Variants in GSDME observed in about 807,000 individuals in gnomAD.
The protein encoded by GSDME is gasdermin-E.
A neutral mutation model predicts 47.5 loss-of-function variants in GSDME; 44 were observed. The observed-to-expected ratio is 0.93, with a 90% CI of 0.73 to 1.19. The LOEUF is 1.19. Among genes scored for constraint, GSDME ranks in the 50% most tolerant of loss-of-function variants. GSDME has a pLI of 0.00. For missense variants in GSDME, 663 were observed against 604.2 expected, an observed-to-expected ratio of 1.10 and a Z score of -1.02; for synonymous variants, 258 against 252.8, an observed-to-expected ratio of 1.02 and a Z score of -0.20.
chr7:24,738,770 G>C (rs1790390921), intron 3 of GSDME, among the ~76,000 whole-genome samples: 1 of 152,092 alleles, frequency 6.6e-6, no homozygotes, highest in Non-Finnish European at 1.5e-5. Flanking sequence ...GTATGGTAAT[G>C]GCATATAAAC....
rs532028137 is a variant in GSDME at position 24,742,674 on chromosome 7, C to T, written c.404+1888G>A. Among the ~76,000 whole-genome samples, 1 of 152,146 alleles carries T rather than the reference C, an allele frequency of 6.6e-6. No homozygotes were observed. Among genetic ancestry groups the T allele is most frequent in the African/African-American group, 2.4e-5 (1 of 41,434 alleles). On this transcript the variant is annotated intron_variant, in intron 3 of 9. Transcript: ENST00000645220. This position sits in a 1 kb window ranked among gnomAD's most constrained non-coding sequence, Gnocchi z 4.4. ...ACTGTGCTTCTTGAAATAGAAATAACGAGACTGCAAAGCGCATCTAAGCTA... is the reference window on the plus strand; with the variant it reads ...ACTGTGCTTCTTGAAATAGAAATAATGAGACTGCAAAGCGCATCTAAGCTA...
rs962726702 is a variant in GSDME at position 24,705,592 on chromosome 7, G to A, written c.1183+592C>T. The A allele has an allele frequency of 1.2e-5, 2 of 168,452 alleles. No homozygotes were observed. Among genetic ancestry groups the A allele is most frequent in the Non-Finnish European group, 2.6e-5 (2 of 77,740 alleles). The allele number at this position is 168,452 out of a possible 1,614,324, so 10.4% of individuals were successfully genotyped here. ...GCGAGTTCCGGATGGGAGGGGTACA[G>A]AGGTGGCAGAGATTGTTCCACAGTA... On this transcript the variant is annotated intron_variant, in intron 8 of 9. Coordinates refer to ENST00000645220, the MANE Select transcript of GSDME (RefSeq NM_001127453.2). This position sits in a 1 kb window ranked among gnomAD's most constrained non-coding sequence, Gnocchi z 4.1.
the GSDME span, among the ~76,000 whole-genome samples, chr7:24,785,155 C>T: frequency 0.067 from 10,150 of 152,220 alleles, 578 homozygotes; most frequent in East Asian, 0.28. Flanking sequence ...AACACAGCTA[C>T]GCCCATTCAT....
chr7:24,731,082 G>C lies in GSDME; in HGVS notation c.405-11864C>G, dbSNP rs375491419. Among the ~76,000 whole-genome samples the C allele has an allele frequency of 9.8e-5, 15 of 152,290 alleles. No homozygotes were observed. In the East Asian group the frequency reaches 2.5e-3, roughly 25 times the overall value. On this transcript the variant is annotated intron_variant, in intron 3 of 9. Transcript: ENST00000645220. ...ATAGCACAGAATTTAGTGTGGCCTG[G>C]GGGTCTCAGGAAAGACATCTTTTAA...
intron 3 of GSDME, among the ~76,000 whole-genome samples, chr7:24,727,109 T>C (rs1789994142): frequency 6.6e-6 from 1 of 152,206 alleles, no homozygotes; most frequent in African/African-American, 2.4e-5. Context: ...AAAGCTGTGA[T>C]TAAGTGGCAG....
intron 2 of GSDME, among the ~76,000 whole-genome samples, chr7:24,749,049 A>G (rs1046141780): frequency 1.3e-5 from 2 of 152,164 alleles, no homozygotes; most frequent in African/African-American, 2.4e-5. Context: ...CTTTTATACT[A>G]TACCGCAAAA....
intron 2 of GSDME, among the ~76,000 whole-genome samples, chr7:24,749,002 G>C (rs376927965): frequency 3.1e-4 from 47 of 152,092 alleles, no homozygotes; most frequent in African/African-American, 1.1e-3. Flanking sequence ...CCCCACTTAT[G>C]CTGAGTGGCC....
At chr7:24,786,855 T>C in the GSDME span, among the ~76,000 whole-genome samples, 3 of 152,222 alleles carry the variant, frequency 2.0e-5, no homozygotes, top group Non-Finnish European at 2.9e-5. This position sits in a 1 kb window ranked among gnomAD's most constrained non-coding sequence, Gnocchi z 5.5. Context: ...AATCTGATCA[T>C]GTAGGCAGTC....
chr7:24,722,857 C>T (rs998692199), intron 3 of GSDME, among the ~76,000 whole-genome samples: 2 of 152,242 alleles, frequency 1.3e-5, no homozygotes, highest in Non-Finnish European at 2.9e-5. Context: ...ACAGGGCAGT[C>T]CTGAGACGCT....
chr7:24,762,951 G>A, the GSDME span, among the ~76,000 whole-genome samples: 1 of 152,128 alleles, frequency 6.6e-6, no homozygotes, highest in African/African-American at 2.4e-5. Context: ...GACACCTCGG[G>A]CAGATAGATA....
At position 24,733,739 on chromosome 7, in the gene GSDME, G is replaced by A. The variant is rs1412840649; in HGVS notation, c.404+10823C>T. On this transcript the variant is annotated intron_variant, in intron 3 of 9. Coordinates refer to ENST00000645220, the MANE Select transcript of GSDME (RefSeq NM_001127453.2). This position sits in a 1 kb window ranked among gnomAD's most constrained non-coding sequence, Gnocchi z 4.3. ...GTGAAGGGACTTTGTCCTGTGATTTGAGTGCCAGTTGAGCCACAGTAGAGT... is the reference window on the plus strand; with the variant it reads ...GTGAAGGGACTTTGTCCTGTGATTTAAGTGCCAGTTGAGCCACAGTAGAGT... 2.0e-5 allele frequency among the ~76,000 whole-genome samples: 3 copies of A among 152,154 alleles called. No individual in the cohort carries two copies. Among genetic ancestry groups the A allele is most frequent in the African/African-American group, 7.2e-5 (3 of 41,434 alleles).
In GSDME at chr7:24,749,563, C is replaced by T; in HGVS notation, c.211+1G>A. ...TATAGAATATACCCAAGGAAACATA[C>T]CTGGACTCGGAAATTGGTCTTCTAT... On this transcript the variant is annotated splice_donor_variant, in intron 2 of 9. Transcript: ENST00000645220. LOFTEE classifies it high-confidence loss of function. The T allele has an allele frequency of 6.2e-7, 1 of 1,608,440 alleles. No individual in the cohort carries two copies. Among genetic ancestry groups the T allele is most frequent in the Non-Finnish European group, 8.5e-7 (1 of 1,176,352 alleles).
At chr7:24,709,848 C>CA in intron 6 of GSDME, among the ~76,000 whole-genome samples, 2 of 152,212 alleles carry the variant, frequency 1.3e-5, no homozygotes, top group South Asian at 4.1e-4. Context: ...CAGAATATAA[C>CA]AAAACAGATG....
chr7:24,759,556 TG>T (rs1194509990), upstream of GSDME, among the ~76,000 whole-genome samples: 9 of 152,194 alleles, frequency 5.9e-5, no homozygotes. Context: ...TACAACTATT[TG>T]GGGGTTTCAA....
Position 24,749,801 on chromosome 7 carries a change from A to C in GSDME, c.-19-8T>G. 6.4e-7 allele frequency: 1 copy of C among 1,572,232 alleles called. No homozygotes were observed. On this transcript the variant is annotated splice_region_variant and splice_polypyrimidine_tract_variant and intron_variant, in intron 1 of 9. Coordinates refer to ENST00000645220, the MANE Select transcript of GSDME (RefSeq NM_001127453.2). ...TTGAAAGCTCCAGATTATCTGAAAA[A>C]GTAAAGTTATCCTAAAATCAAATAA... is the stretch of plus-strand genomic sequence containing the variant.
At chr7:24,750,048 A>G (rs990952182) in intron 1 of GSDME, among the ~76,000 whole-genome samples, 1 of 152,208 alleles carries the variant, frequency 6.6e-6, no homozygotes, top group Admixed American at 6.5e-5. Context: ...GTTTATTACA[A>G]TAAGGGTTTA....
chr7:24,781,779 T>G, the GSDME span, among the ~76,000 whole-genome samples: 1 of 152,184 alleles, frequency 6.6e-6, no homozygotes. Context: ...GGTTTCACTC[T>G]GTTGTCCAGG....
At chr7:24,747,578 T>G (rs1402644534) in intron 2 of GSDME, among the ~76,000 whole-genome samples, 5 of 152,368 alleles carry the variant, frequency 3.3e-5, no homozygotes, top group Middle Eastern at 3.4e-3. Flanking sequence ...TCTGCTCCAG[T>G]AATTCTCTAA....
chr7:24,760,443 C>T (rs553916111), upstream of GSDME, among the ~76,000 whole-genome samples: 4 of 152,288 alleles, frequency 2.6e-5, no homozygotes, highest in African/African-American at 9.6e-5. This position sits in a 1 kb window ranked among gnomAD's most constrained non-coding sequence, Gnocchi z 4.2. Context: ...TCCAGCCTAC[C>T]ACTTACCAGC....
Sources: allele counts gnomAD v4.1 joint callset (sites outside exome capture counted in the v4.1 genomes callset), GRCh38; gene constraint gnomAD v4.1.1; non-coding constraint Gnocchi (gnomAD v3.1); transcripts MANE v1.5; gene names NCBI Gene and HGNC (gene_info 2026-07-23, HGNC 2026-07-21).